XPR1: variants seen among roughly 807,000 people sequenced by gnomAD.
XPR1 encodes xenotropic and polytropic retrovirus receptor 1.
XPR1 carries 28 observed loss-of-function variants against 87.5 expected under a neutral mutation model. The observed-to-expected ratio is 0.32, with a 90% CI of 0.24 to 0.44. XPR1 has a LOEUF of 0.44. XPR1 is among the 20% of genes least tolerant of loss of function. The pLI, the probability that XPR1 is intolerant of heterozygous loss-of-function variation, is 1.00. For synonymous variants in XPR1, 300 were observed against 306.1 expected (o/e 0.98, Z 0.21); for missense variants, 559 against 862.3 (o/e 0.65, Z 4.41).
chr1:180,689,390 T>G (rs191722001), intron 2 of XPR1, among the ~76,000 whole-genome samples: 1 of 152,342 alleles, frequency 6.6e-6, no homozygotes, highest in Non-Finnish European at 1.5e-5. Flanking sequence ...AAGAATTTTT[T>G]AAAACATTAC....
chr1:180,862,904 A>G (rs1481592097), intron 11 of XPR1, among the ~76,000 whole-genome samples: 3 of 152,108 alleles, frequency 2.0e-5, no homozygotes, highest in Admixed American at 6.6e-5. Flanking sequence ...ACATTTCACA[A>G]TGGACTCTAG....
At chr1:180,846,546 A>G (rs1651693013) in intron 11 of XPR1, among the ~76,000 whole-genome samples, 1 of 151,600 alleles carries the variant, frequency 6.6e-6, no homozygotes, top group Admixed American at 6.6e-5. Flanking sequence ...GGTTCAAGCA[A>G]TTCTCCTGCC....
chr1:180,689,590 T>C (rs1215345900), intron 2 of XPR1, among the ~76,000 whole-genome samples: 2 of 152,024 alleles, frequency 1.3e-5, no homozygotes, highest in African/African-American at 4.8e-5. Context: ...GAAGACAGAA[T>C]AGTGAGAGTA....
At chr1:180,776,647 A>T (rs1179685683) in intron 2 of XPR1, among the ~76,000 whole-genome samples, 1 of 152,142 alleles carries the variant, frequency 6.6e-6, no homozygotes, top group Non-Finnish European at 1.5e-5. Flanking sequence ...CAAGGGCAAA[A>T]ATCATTTGAA....
chr1:180,822,068 C>T (rs992421975), intron 7 of XPR1, among the ~76,000 whole-genome samples: 4 of 152,140 alleles, frequency 2.6e-5, no homozygotes, highest in African/African-American at 9.7e-5. Flanking sequence ...GTACTTGTTC[C>T]CTTGTAGTCT....
intron 1 of XPR1, among the ~76,000 whole-genome samples, chr1:180,651,101 T>C (rs1184236667): frequency 2.7e-5 from 4 of 150,892 alleles, no homozygotes; most frequent in African/African-American, 7.4e-5. Flanking sequence ...ACATTTGGAA[T>C]CCATTTCTTT....
intron 2 of XPR1, among the ~76,000 whole-genome samples, chr1:180,766,455 AT>A (rs1204665175): frequency 6.6e-6 from 1 of 152,208 alleles, no homozygotes; most frequent in African/African-American, 2.4e-5. Context: ...ATCAAATATA[AT>A]TCTAAGTAGT....
chr1:180,811,266 G>GT (rs1211820339), intron 6 of XPR1, 141 bp from the exon 7 acceptor site: 1 of 709,386 alleles, frequency 1.4e-6, no homozygotes, highest in African/African-American at 1.8e-5. Flanking sequence ...TGATTCTCTG[G>GT]TTCAGATTTA....
chr1:180,761,161 C>G (rs1648009033), intron 2 of XPR1, among the ~76,000 whole-genome samples: 1 of 152,146 alleles, frequency 6.6e-6, no homozygotes. Flanking sequence ...ACCATAAAAA[C>G]CCTAGAAGAA....
intron 11 of XPR1, among the ~76,000 whole-genome samples, chr1:180,861,879 A>G (rs1004899528): frequency 3.3e-5 from 5 of 152,094 alleles, no homozygotes; most frequent in Admixed American, 3.3e-4. Flanking sequence ...GATAACACTG[A>G]ATGTGGAGTG....
At chr1:180,853,612 G>A (rs1439582318) in intron 11 of XPR1, among the ~76,000 whole-genome samples, 2 of 134,552 alleles carry the variant, frequency 1.5e-5, no homozygotes, top group Admixed American at 7.9e-5. Flanking sequence ...TGGGTATTTT[G>A]TTATTAGACT....
At chr1:180,696,842 G>A (rs1205661873) in intron 2 of XPR1, among the ~76,000 whole-genome samples, 5 of 152,162 alleles carry the variant, frequency 3.3e-5, no homozygotes, top group Non-Finnish European at 5.9e-5. Flanking sequence ...AATCCCACTT[G>A]ATCGTGGTGC....
chr1:180,748,038 A>G (rs918415169), intron 2 of XPR1, among the ~76,000 whole-genome samples: 1 of 152,238 alleles, frequency 6.6e-6, no homozygotes, highest in Admixed American at 6.5e-5. Context: ...TTTACTATAA[A>G]TTATATCTTT....
chr1:180,645,510 C>T (rs1655093269), intron 1 of XPR1, among the ~76,000 whole-genome samples: 1 of 152,170 alleles, frequency 6.6e-6, no homozygotes, highest in Non-Finnish European at 1.5e-5. Flanking sequence ...TTGAATGTGT[C>T]ACACAAGTTA....
chr1:180,817,855 T>C (rs1161512790), intron 7 of XPR1, among the ~76,000 whole-genome samples: 2 of 152,206 alleles, frequency 1.3e-5, no homozygotes, highest in African/African-American at 4.8e-5. Flanking sequence ...TTCTGGGTGC[T>C]GATTCACTTC....
At chr1:180,643,523 T>A (rs966312343) in intron 1 of XPR1, among the ~76,000 whole-genome samples, 13 of 152,192 alleles carry the variant, frequency 8.5e-5, no homozygotes, top group African/African-American at 3.1e-4. Context: ...TCTAGCACAG[T>A]GTGTTTGTCA....
chr1:180,837,656 G>A (rs1016756290), intron 11 of XPR1, among the ~76,000 whole-genome samples: 8 of 152,058 alleles, frequency 5.3e-5, no homozygotes. Flanking sequence ...TCTGTGGTTG[G>A]AGTAGGATTG....
chr1:180,699,170 A>G (rs1049606776), intron 2 of XPR1, among the ~76,000 whole-genome samples: 1 of 148,364 alleles, frequency 6.7e-6, no homozygotes, highest in African/African-American at 2.5e-5. Flanking sequence ...ATAGTGTCCC[A>G]TATGTCACAT....
intron 2 of XPR1, among the ~76,000 whole-genome samples, chr1:180,721,722 C>G (rs1193385260): frequency 6.6e-6 from 1 of 152,196 alleles, no homozygotes; most frequent in East Asian, 1.9e-4. Context: ...TTTTACTCTT[C>G]CTCCTTTTCC....
Sources: gnomAD v4.1 joint callset for allele counts (sites outside exome capture counted in the v4.1 genomes callset) on GRCh38, gnomAD v4.1.1 for gene constraint, MANE v1.5 for transcripts, NCBI Gene and HGNC (gene_info 2026-07-23, HGNC 2026-07-21) for gene names.